The following GBE1 variants were observed in gnomAD, a reference collection of about 807,000 sequenced individuals.
The protein encoded by GBE1 is 1,4-alpha-glucan branching enzyme 1, also known as 1,4-alpha-glucan-branching enzyme.
Under a neutral mutation model 88.8 loss-of-function variants are expected in GBE1, and 70 were observed. The ratio of observed to expected loss-of-function variants is 0.79; its 90% CI spans 0.65 to 0.96. The LOEUF (loss-of-function observed/expected upper bound fraction) is 0.96. Among genes scored for constraint, GBE1 ranks in the 40% least tolerant of loss-of-function variants. The pLI is 0.00. For missense variants in GBE1, 872 were observed against 871.0 expected (o/e 1.00, Z -0.01); for synonymous variants, 284 against 300.1 (o/e 0.95, Z 0.56).
chr3:81,508,819 G>T (rs1157846537), intron 14 of GBE1, among the ~76,000 whole-genome samples: 3 of 152,126 alleles, frequency 2.0e-5, no homozygotes, highest in African/African-American at 7.2e-5. Flanking sequence ...GAGCTTTAGG[G>T]TCTAACAACT....
At chr3:81,708,772 A>G (rs1220462762) in intron 1 of GBE1, among the ~76,000 whole-genome samples, 3 of 152,156 alleles carry the variant, frequency 2.0e-5, no homozygotes, top group Admixed American at 1.3e-4. Flanking sequence ...TTTTGCAACA[A>G]TGGGAAACTA....
chr3:81,508,498 T>G (rs868306038), intron 14 of GBE1, among the ~76,000 whole-genome samples: 2 of 152,098 alleles, frequency 1.3e-5, no homozygotes, highest in Non-Finnish European at 2.9e-5. Context: ...TTTAACCACA[T>G]CTTTTATTAT....
chr3:81,552,931 G>C (rs1454695332), intron 12 of GBE1, among the ~76,000 whole-genome samples: 4 of 152,130 alleles, frequency 2.6e-5, no homozygotes, highest in African/African-American at 9.7e-5. Flanking sequence ...CATTATTTCT[G>C]TTTTCAGATA....
intron 7 of GBE1, among the ~76,000 whole-genome samples, chr3:81,616,804 T>C (rs1208138000): frequency 6.6e-6 from 1 of 152,126 alleles, no homozygotes; most frequent in Non-Finnish European, 1.5e-5. Context: ...TTTACTACTT[T>C]GAGTTGTCCA....
At chr3:81,534,082 A>G (rs1423049516) in intron 14 of GBE1, among the ~76,000 whole-genome samples, 1 of 152,020 alleles carries the variant, frequency 6.6e-6, no homozygotes, top group Non-Finnish European at 1.5e-5. Context: ...ATAGGACTTC[A>G]TGTTGGCATC....
chr3:81,654,860 T>G (rs2107084603), intron 3 of GBE1: 1 of 152,306 alleles, frequency 6.6e-6, no homozygotes, highest in African/African-American at 2.4e-5. Flanking sequence ...AAAACAATGT[T>G]TTGATATATG....
chr3:81,740,542 G>A (rs1415681901), intron 1 of GBE1, among the ~76,000 whole-genome samples: 1 of 151,998 alleles, frequency 6.6e-6, no homozygotes, highest in Non-Finnish European at 1.5e-5. Flanking sequence ...ACGGAGAAGA[G>A]AACTAAACCT....
At chr3:81,688,254 C>T (rs999834513) in intron 2 of GBE1, among the ~76,000 whole-genome samples, 2 of 152,210 alleles carry the variant, frequency 1.3e-5, no homozygotes, top group African/African-American at 4.8e-5. Context: ...ATAGCACTTA[C>T]TAACTACACT....
chr3:81,536,862 A>G (rs1559637684), intron 13 of GBE1, 49 bp downstream of exon 13: 1 of 1,407,714 alleles, frequency 7.1e-7, no homozygotes, highest in Non-Finnish European at 9.7e-7. Flanking sequence ...CATTCTAGGC[A>G]TGTACCTCAT....
At chr3:81,581,380 A>C in intron 10 of GBE1, 105 bp from the exon 11 acceptor site, 1 of 647,016 alleles carries the variant, frequency 1.5e-6, no homozygotes. Flanking sequence ...CTATTTGATA[A>C]GCACATATTA....
chr3:81,680,929 G>T (rs1269678496), intron 2 of GBE1, among the ~76,000 whole-genome samples: 2 of 152,232 alleles, frequency 1.3e-5, no homozygotes, highest in African/African-American at 4.8e-5. Flanking sequence ...CTCCAGAACT[G>T]CAAGAAATAA....
intron 7 of GBE1, among the ~76,000 whole-genome samples, chr3:81,628,974 C>CA (rs1159914445): frequency 1.3e-4 from 18 of 142,216 alleles, no homozygotes; most frequent in Admixed American, 4.9e-4. Flanking sequence ...TTGTATAAAA[C>CA]AATTCTTGGC....
intron 1 of GBE1, among the ~76,000 whole-genome samples, chr3:81,717,955 T>TTTTTTTTA (rs1705963254): frequency 6.8e-6 from 1 of 147,068 alleles, no homozygotes; most frequent in African/African-American, 2.5e-5. Context: ...GGAAATTTTA[T>TTTTTTTTA]TTTATTTATT....
rs1202438966 is a variant in GBE1 at position 81,496,792 on chromosome 3, C to CGTCTG, written c.2052+2313_2052+2317dup. Among the ~76,000 whole-genome samples the CGTCTG allele has an allele frequency of 8.9e-4, 136 of 152,262 alleles. 1 individual carries two copies. Among genetic ancestry groups the CGTCTG allele is most frequent in the South Asian group, 2.9e-3 (14 of 4,826 alleles). On this transcript the variant is annotated intron_variant, in intron 15 of 15. Coordinates refer to ENST00000429644, the MANE Select transcript of GBE1 (RefSeq NM_000158.4). ...TTGTCTAGATTTTCTGTATTTTACT[C>CGTCTG]GTCTGTGTGGGCTCCCTTAATCTCA...
Position 81,621,985 on chromosome 3 carries a change from C to G in GBE1, c.992+20796G>C, listed in dbSNP as rs549179204. On this transcript the variant is annotated intron_variant, in intron 7 of 15. Transcript: ENST00000429644. ...TATTACATCAGATAAATTGCCCCTG[C>G]ATTTTTCTAAGAACCCTATCAGCTA... Among the ~76,000 whole-genome samples the G allele has an allele frequency of 9.2e-5, 14 of 152,338 alleles. 1 individual carries two copies. The South Asian group carries it at 2.7e-3, about 29-fold the overall frequency.
chr3:81,726,585 CTTT>C (rs34642597), intron 1 of GBE1, among the ~76,000 whole-genome samples: 2 of 138,614 alleles, frequency 1.4e-5, no homozygotes, highest in Admixed American at 7.2e-5. Flanking sequence ...ATATTGCAGA[CTTT>C]TTTTTTTTTT....
chr3:81,526,707 A>G (rs1033138852), intron 14 of GBE1, among the ~76,000 whole-genome samples: 18 of 152,266 alleles, frequency 1.2e-4, no homozygotes, highest in African/African-American at 4.3e-4. Flanking sequence ...CCACTGCTCA[A>G]TGAAATAAAA....
Position 81,494,025 on chromosome 3 carries a change from T to TA in GBE1, c.2053-3563dup, listed in dbSNP as rs1223503539. On this transcript the variant is annotated intron_variant, in intron 15 of 15. Coordinates refer to ENST00000429644, the MANE Select transcript of GBE1 (RefSeq NM_000158.4). ...TTAGAGACCTCTTAATGCAATATGC[T>TA]AAAAAAAAAACCCTTTGGTTCACAA... Among the ~76,000 whole-genome samples the TA allele has an allele frequency of 5.1e-3, 743 of 145,950 alleles. 6 individuals are homozygous for TA. The highest frequency in any genetic ancestry group is 0.014 in the Middle Eastern group (4 of 288).
intron 7 of GBE1, among the ~76,000 whole-genome samples, chr3:81,635,658 A>G (rs1440529051): frequency 6.6e-6 from 1 of 152,178 alleles, no homozygotes; most frequent in Admixed American, 6.5e-5. Flanking sequence ...CCCACTTTTA[A>G]CCTGCTTATT....
Sources: gnomAD v4.1 joint callset for allele counts (sites outside exome capture counted in the v4.1 genomes callset) on GRCh38, gnomAD v4.1.1 for gene constraint, MANE v1.5 for transcripts, NCBI Gene and HGNC (gene_info 2026-07-23, HGNC 2026-07-21) for gene names.